The following PBRM1 variants were observed in gnomAD, a reference collection of about 807,000 sequenced individuals.
The protein encoded by PBRM1 is protein polybromo-1.
Under a neutral mutation model 194.5 loss-of-function variants are expected in PBRM1, and 27 were observed. The observed-to-expected ratio is 0.14, with a 90% CI of 0.10 to 0.19. PBRM1 has a LOEUF of 0.19. Ranked by LOEUF, PBRM1 falls within the 10% of genes least tolerant of loss-of-function variation. PBRM1 has a pLI of 1.00. For synonymous variants in PBRM1, 655 were observed against 693.2 expected (o/e 0.94, Z 0.87); for missense variants, 1,466 against 2,077.2 (o/e 0.71, Z 5.72).
At chr3:52,647,429 G>GAAAAA (rs71637569) in intron 7 of PBRM1, among the ~76,000 whole-genome samples, 2 of 44,494 alleles carry the variant, frequency 4.5e-5, no homozygotes, top group African/African-American at 8.7e-5. Flanking sequence ...GTATCAAAGA[G>GAAAAA]AAAAAAAAAA....
chr3:52,636,228 A>G (rs2095805708), intron 10 of PBRM1, among the ~76,000 whole-genome samples: 1 of 152,162 alleles, frequency 6.6e-6, no homozygotes, highest in Non-Finnish European at 1.5e-5. Context: ...GACTTTGCCC[A>G]CTGATTTAAA....
chr3:52,599,587 G>A (rs188079909), intron 17 of PBRM1, among the ~76,000 whole-genome samples: 6 of 151,384 alleles, frequency 4.0e-5, no homozygotes, highest in Admixed American at 2.0e-4. Context: ...CGAGGCGGGC[G>A]GATCATGAGG....
chr3:52,671,280 G>GA (rs2096942336), intron 2 of PBRM1, among the ~76,000 whole-genome samples: 1 of 152,156 alleles, frequency 6.6e-6, no homozygotes, highest in African/African-American at 2.4e-5. Context: ...AAATACTTGA[G>GA]AAAAAAACAT....
chr3:52,548,561 G>A (rs2080050814), intron 29 of PBRM1, among the ~76,000 whole-genome samples: 1 of 151,934 alleles, frequency 6.6e-6, no homozygotes, highest in South Asian at 2.1e-4. Context: ...AGAGTAGCTG[G>A]GATTACAGGA....
At chr3:52,598,714 T>C (rs1265107444) in intron 17 of PBRM1, among the ~76,000 whole-genome samples, 2 of 152,022 alleles carry the variant, frequency 1.3e-5, no homozygotes, top group African/African-American at 2.4e-5. Flanking sequence ...CAAGATCTCA[T>C]CTCTACAAGT....
chr3:52,631,824 A>C (rs965205309), intron 11 of PBRM1, among the ~76,000 whole-genome samples: 1 of 152,244 alleles, frequency 6.6e-6, no homozygotes, highest in African/African-American at 2.4e-5. Context: ...AAAGCAATAA[A>C]TATCTTTGAA....
chr3:52,614,427 C>G (rs2094838489), intron 15 of PBRM1, among the ~76,000 whole-genome samples: 2 of 150,774 alleles, frequency 1.3e-5, no homozygotes, highest in South Asian at 4.2e-4. Context: ...CTGTTTTCCC[C>G]CTTTTCAGCA....
chr3:52,655,215 C>T (rs2096587060), intron 5 of PBRM1, among the ~76,000 whole-genome samples: 1 of 152,136 alleles, frequency 6.6e-6, no homozygotes, highest in African/African-American at 2.4e-5. Flanking sequence ...AATGGAAACT[C>T]TGTACATATT....
intron 17 of PBRM1, among the ~76,000 whole-genome samples, chr3:52,593,134 C>T (rs2093255238): frequency 6.6e-6 from 1 of 152,072 alleles, no homozygotes; most frequent in East Asian, 1.9e-4. Flanking sequence ...ATGGTTTTTC[C>T]TGTCTCAGTC....
chr3:52,619,801 AC>A (rs2095181762), intron 13 of PBRM1, among the ~76,000 whole-genome samples: 1 of 152,226 alleles, frequency 6.6e-6, no homozygotes, highest in Admixed American at 6.5e-5. Context: ...GAGAAAATAA[AC>A]ATCTATCCTT....
chr3:52,591,822 T>C lies in PBRM1; in HGVS notation c.2780-2567A>G, dbSNP rs1485683992. Reference sequence around the variant, plus strand: ...CGTCAGCCACTGCGCCCGGCCTTTTTTTTTTTTTTTTTTTTTGACATAGTC... The same window carrying C: ...CGTCAGCCACTGCGCCCGGCCTTTTCTTTTTTTTTTTTTTTTGACATAGTC... On this transcript the variant is annotated intron_variant, in intron 17 of 29. Transcript: ENST00000296302. Among the ~76,000 whole-genome samples, 23 of 142,052 alleles carry C rather than the reference T, an allele frequency of 1.6e-4. No homozygotes were observed. In the East Asian group the frequency reaches 4.7e-3, roughly 29 times the overall value. 93.2% of individuals were successfully genotyped at this position (142,052 alleles called of 152,430 possible). A position where few individuals can be genotyped will look rare whatever the true frequency, so the allele number is the denominator to read the frequency against.
At position 52,563,056 on chromosome 3, in the gene PBRM1, TTAAATTATTAATGGTATTAATA is replaced by T. The variant is rs144305943; in HGVS notation, c.4086+205_4086+226del. On this transcript the variant is annotated intron_variant, in intron 24 of 29. Coordinates refer to ENST00000296302, the Ensembl canonical transcript of PBRM1. ...CTATGAAATTTTAAAGATATTAATTTTAAATTATTAATGGTATTAATATAAATTATTAATGGGATGACATATA... is the reference window on the plus strand; with the variant it reads ...CTATGAAATTTTAAAGATATTAATTTTAAATTATTAATGGGATGACATATA... 0.069 allele frequency among the ~76,000 whole-genome samples: 10,536 copies of T among 152,202 alleles called. 480 individuals are homozygous for T. The highest frequency in any genetic ancestry group is 0.095 in the Middle Eastern group (28 of 294).
exon 29 of PBRM1, chr3:52,550,513 T>C (rs1203327562): frequency 6.3e-7 from 1 of 1,583,640 alleles, no homozygotes; most frequent in South Asian, 1.2e-5. Flanking sequence ...AAGAAGCCGC[T>C]GGGTCTTTGG....
intron 2 of PBRM1, among the ~76,000 whole-genome samples, chr3:52,677,523 C>CT (rs2154051800): frequency 6.6e-6 from 1 of 150,866 alleles, no homozygotes; most frequent in African/African-American, 2.5e-5. Context: ...AGTGATTCTC[C>CT]TGCCTCAGTC....
rs184977785 is a variant in PBRM1, at chr3:52,625,312, T to C, written c.1541+1961A>G. 2.6e-5 allele frequency among the ~76,000 whole-genome samples: 4 copies of C among 152,342 alleles called. No individual in the cohort carries two copies. In the East Asian group the frequency reaches 7.7e-4, roughly 29 times the overall value. On this transcript the variant is annotated intron_variant, in intron 13 of 29. Transcript: ENST00000296302. ...CCTGACTTCTGAAGAAATCTCTTATTACCAAAACCTCTCAACATGACTGAT... is the reference window on the plus strand; with the variant it reads ...CCTGACTTCTGAAGAAATCTCTTATCACCAAAACCTCTCAACATGACTGAT...
chr3:52,681,646 G>A (rs1040339287), upstream of PBRM1: 1 of 856,270 alleles, frequency 1.2e-6, no homozygotes, highest in African/African-American at 1.8e-5. Flanking sequence ...GAAGGAAAAA[G>A]TCAAGGAAGG....
rs374521374 is a variant in PBRM1, at chr3:52,569,318, C to T, written c.3692-5085G>A. On this transcript the variant is annotated intron_variant, in intron 22 of 29. Transcript: ENST00000296302. ...CTCCGCCTCCCCGGTTCACCCCCTT[C>T]TCCTGCCTCAGCCTCCCAAGTAGCT... 5.9e-5 allele frequency among the ~76,000 whole-genome samples: 9 copies of T among 151,950 alleles called. No homozygotes were observed. The East Asian group carries it at 9.7e-4, about 16-fold the overall frequency.
At chr3:52,608,904 T>A (rs1488014020) in intron 16 of PBRM1, among the ~76,000 whole-genome samples, 1 of 151,924 alleles carries the variant, frequency 6.6e-6, no homozygotes, top group Non-Finnish European at 1.5e-5. Context: ...CAAATTTCTA[T>A]CAGTCTAACC....
intron 24 of PBRM1, among the ~76,000 whole-genome samples, chr3:52,562,537 CT>C (rs61349809): frequency 0.056 from 6,009 of 108,196 alleles, 433 homozygotes; most frequent in East Asian, 0.24. Context: ...TGAGAAAATT[CT>C]TTTTTTTTTT....
Sources: gnomAD v4.1 joint callset for allele counts (sites outside exome capture counted in the v4.1 genomes callset) on GRCh38, gnomAD v4.1.1 for gene constraint, MANE v1.5 for transcripts, NCBI Gene and HGNC (gene_info 2026-07-23, HGNC 2026-07-21) for gene names.